GRIK2: variants seen among roughly 807,000 people sequenced by gnomAD.
GRIK2 encodes the protein glutamate receptor ionotropic, kainate 2.
GRIK2 carries 32 observed loss-of-function variants against 100.3 expected under a neutral mutation model. The ratio of observed to expected loss-of-function variants is 0.32; its 90% CI spans 0.24 to 0.43. The LOEUF (loss-of-function observed/expected upper bound fraction) is 0.43, where lower values mean the gene tolerates loss of function less well. Ranked by LOEUF, GRIK2 falls within the 20% of genes least tolerant of loss-of-function variation. The probability of loss-of-function intolerance (pLI) is 1.00; values close to 1 mark genes in which losing one functional copy is unlikely to be tolerated. For synonymous variants in GRIK2, 417 were observed against 389.4 expected (o/e 1.07, Z -0.83); for missense variants, 843 against 1,114.9 (o/e 0.76, Z 3.47).
chr6:101,878,111 T>C (rs1023248789), intron 11 of GRIK2, among the ~76,000 whole-genome samples: 2 of 145,234 alleles, frequency 1.4e-5, no homozygotes, highest in African/African-American at 5.1e-5. Context: ...TATATTATAT[T>C]ATATTATATT....
chr6:101,654,735 G>A (rs1292963025), intron 4 of GRIK2, among the ~76,000 whole-genome samples: 6 of 152,040 alleles, frequency 3.9e-5, no homozygotes, highest in Admixed American at 2.0e-4. Flanking sequence ...ACATCTCACA[G>A]CTGAGACCTG....
intron 2 of GRIK2, among the ~76,000 whole-genome samples, chr6:101,505,848 C>T (rs1257791298): frequency 4.0e-5 from 6 of 150,258 alleles, no homozygotes; most frequent in Non-Finnish European, 8.9e-5. Context: ...AAAGTAGTGG[C>T]GATCTCTAAT....
At chr6:101,462,365 T>C (rs917225447) in intron 2 of GRIK2, among the ~76,000 whole-genome samples, 2 of 152,156 alleles carry the variant, frequency 1.3e-5, no homozygotes, top group Non-Finnish European at 2.9e-5. Flanking sequence ...ATATTTTCTG[T>C]TTCTCAGGAG....
At position 101,909,371 on chromosome 6, in the gene GRIK2, G is replaced by GTTTTTTTTTTTTTTTTTTTTTTTTTTTTT. The variant is rs370241149; in HGVS notation, c.1749-15226_1749-15225insTTTTTTTTTTTTTTTTTTTTTTTTTTTTT. Among the ~76,000 whole-genome samples, 5 of 83,528 alleles carry GTTTTTTTTTTTTTTTTTTTTTTTTTTTTT rather than the reference G, an allele frequency of 6.0e-5. 2 individuals are homozygous for GTTTTTTTTTTTTTTTTTTTTTTTTTTTTT. Among genetic ancestry groups the GTTTTTTTTTTTTTTTTTTTTTTTTTTTTT allele is most frequent in the African/African-American group, 8.7e-5 (2 of 22,886 alleles). The allele number at this position is 83,528 out of a possible 152,430, so 54.8% of individuals were successfully genotyped here. ...TTTTTGGATGCTGAAGGAAGATAGGGTTTTCTTTTTCTTTTTTTTTTTTTT... is the reference window on the plus strand; with the variant it reads ...TTTTTGGATGCTGAAGGAAGATAGGGTTTTTTTTTTTTTTTTTTTTTTTTTTTTTTTTTCTTTTTCTTTTTTTTTTTTTT... On this transcript the variant is annotated intron_variant, in intron 12 of 16. Coordinates refer to ENST00000369134, the MANE Select transcript of GRIK2 (RefSeq NM_021956.5).
rs556230788 is a variant in GRIK2, at chr6:101,400,687, A to G, written c.115+1295A>G. Among the ~76,000 whole-genome samples the G allele has an allele frequency of 4.5e-4, 68 of 152,268 alleles. 2 individuals carry two copies. In the Middle Eastern group the frequency reaches 0.01, roughly 23 times the overall value. ...ACCATGTGTGTGTTTTATCCCCCCA[A>G]TGATAAAATTCACCATCTCTCCTAG... On this transcript the variant is annotated intron_variant, in intron 2 of 16. Transcript: ENST00000369134.
At chr6:101,888,131 A>G (rs1786786803) in intron 11 of GRIK2, among the ~76,000 whole-genome samples, 2 of 152,018 alleles carry the variant, frequency 1.3e-5, no homozygotes, top group African/African-American at 4.8e-5. Context: ...TTCCCTTTCC[A>G]TCTGTACAAA....
intron 14 of GRIK2, among the ~76,000 whole-genome samples, chr6:102,004,267 A>AT (rs1237067558): frequency 1.6e-5 from 2 of 122,120 alleles, no homozygotes; most frequent in Admixed American, 8.2e-5. Flanking sequence ...TTATATATCC[A>AT]TTTTTTTTCC....
At chr6:101,693,846 T>A (rs1225673169) in intron 7 of GRIK2, among the ~76,000 whole-genome samples, 2 of 152,046 alleles carry the variant, frequency 1.3e-5, no homozygotes, top group East Asian at 3.9e-4. Context: ...ATATCATATG[T>A]ATATGTATAT....
chr6:101,842,671 G>GA, intron 10 of GRIK2, among the ~76,000 whole-genome samples: 1 of 152,140 alleles, frequency 6.6e-6, no homozygotes, highest in African/African-American at 2.4e-5. Context: ...ATTCATTATA[G>GA]AAAAAGAACT....
chr6:101,818,104 T>C (rs1485045527), intron 9 of GRIK2, among the ~76,000 whole-genome samples: 1 of 152,212 alleles, frequency 6.6e-6, no homozygotes, highest in African/African-American at 2.4e-5. Flanking sequence ...GTGGTTTATC[T>C]TGGTGAATGA....
intron 7 of GRIK2, among the ~76,000 whole-genome samples, chr6:101,700,689 C>T (rs553478223): frequency 2.2e-4 from 34 of 152,058 alleles, no homozygotes; most frequent in East Asian, 1.9e-4. Context: ...TAAGGCTGAG[C>T]GTTTAAGATC....
At chr6:101,885,668 A>C (rs1008159154) in intron 11 of GRIK2, among the ~76,000 whole-genome samples, 7 of 152,156 alleles carry the variant, frequency 4.6e-5, no homozygotes, top group Admixed American at 1.3e-4. Flanking sequence ...CCAGGGCTGC[A>C]AACACAGCAA....
At chr6:101,549,291 A>ATTGTATGT (rs1198824584) in intron 2 of GRIK2, among the ~76,000 whole-genome samples, 3 of 151,132 alleles carry the variant, frequency 2.0e-5, no homozygotes, top group Non-Finnish European at 4.4e-5. Context: ...AAAAAAAAAG[A>ATTGTATGT]TTGTATGTAG....
intron 2 of GRIK2, among the ~76,000 whole-genome samples, chr6:101,505,278 C>T (rs1285208488): frequency 6.6e-6 from 1 of 152,082 alleles, no homozygotes; most frequent in Admixed American, 6.6e-5. Flanking sequence ...AAGAGAAATT[C>T]GTTTGTTGCT....
intron 7 of GRIK2, among the ~76,000 whole-genome samples, chr6:101,695,894 G>A (rs573005155): frequency 1.3e-5 from 2 of 152,064 alleles, no homozygotes; most frequent in East Asian, 1.9e-4. Context: ...GGAATTTATT[G>A]AATGCTGTAC....
At chr6:101,552,290 G>A (rs1026212147) in intron 2 of GRIK2, among the ~76,000 whole-genome samples, 1 of 152,106 alleles carries the variant, frequency 6.6e-6, no homozygotes, top group Non-Finnish European at 1.5e-5. Flanking sequence ...TGGTGCTGGA[G>A]GGCTGAAGTG....
chr6:101,871,171 C>T (rs1474552688), intron 11 of GRIK2, among the ~76,000 whole-genome samples: 1 of 151,578 alleles, frequency 6.6e-6, no homozygotes, highest in Non-Finnish European at 1.5e-5. Flanking sequence ...AAAAAGTCAT[C>T]CTGGGCAACA....
intron 2 of GRIK2, among the ~76,000 whole-genome samples, chr6:101,502,227 C>A (rs565145843): frequency 1.3e-5 from 2 of 152,112 alleles, no homozygotes; most frequent in South Asian, 4.2e-4. Flanking sequence ...AATTTGGTAC[C>A]ACCTAATACA....
intron 7 of GRIK2, among the ~76,000 whole-genome samples, chr6:101,719,544 T>G (rs770994146): frequency 5.6e-4 from 85 of 151,984 alleles, no homozygotes; most frequent in Non-Finnish European, 1.3e-3. Flanking sequence ...TAATGAGCCT[T>G]CAACAAGCTG....
Sources: allele counts gnomAD v4.1 joint callset (sites outside exome capture counted in the v4.1 genomes callset), GRCh38; gene constraint gnomAD v4.1.1; transcripts MANE v1.5; gene names NCBI Gene and HGNC (gene_info 2026-07-23, HGNC 2026-07-21).